Variants in ADAM2 observed in about 807,000 individuals in gnomAD.
The protein encoded by ADAM2 is disintegrin and metalloproteinase domain-containing protein 2.
A neutral mutation model predicts 99.3 loss-of-function variants in ADAM2; 101 were observed. The observed-to-expected ratio is 1.02, with a 90% confidence interval of 0.87 to 1.20. The LOEUF (loss-of-function observed/expected upper bound fraction) is 1.20. ADAM2 is among the 50% of genes most tolerant of loss of function. The pLI, the probability that ADAM2 is intolerant of heterozygous loss-of-function variation, is 0.00. For synonymous variants in ADAM2, 323 were observed against 287.6 expected, an observed-to-expected ratio of 1.12 and a Z score of -1.25; for missense variants, 948 against 878.7, an observed-to-expected ratio of 1.08 and a Z score of -1.00.
intron 11 of ADAM2, among the ~76,000 whole-genome samples, chr8:39,774,298 C>T (rs975713946): frequency 6.6e-6 from 1 of 151,800 alleles, no homozygotes; most frequent in Non-Finnish European, 1.5e-5. Flanking sequence ...TTAAATAGTA[C>T]TCGAGGCCCT....
intron 7 of ADAM2, among the ~76,000 whole-genome samples, chr8:39,799,268 T>C (rs1471150378): frequency 6.6e-6 from 1 of 152,246 alleles, no homozygotes; most frequent in African/African-American, 2.4e-5. Flanking sequence ...CAAGAACTTC[T>C]TGATTTCTGC....
intron 9 of ADAM2, 113 bp from the exon 10 acceptor site, chr8:39,787,168 G>T (rs1297207075): frequency 3.5e-6 from 2 of 566,962 alleles, no homozygotes; most frequent in Non-Finnish European, 3.0e-6. Context: ...TAACATTAAT[G>T]TAACATAGCA....
chr8:39,767,618 AC>A (rs1309875732), intron 12 of ADAM2, among the ~76,000 whole-genome samples: 2 of 152,190 alleles, frequency 1.3e-5, no homozygotes, highest in Non-Finnish European at 2.9e-5. Context: ...TATTGCAGTG[AC>A]TACTTCTTAT....
intron 2 of ADAM2, among the ~76,000 whole-genome samples, chr8:39,834,286 G>A (rs933868679): frequency 6.6e-6 from 1 of 152,066 alleles, no homozygotes; most frequent in Non-Finnish European, 1.5e-5. Flanking sequence ...TGATCTAAGA[G>A]ATTTATGGTG....
intron 4 of ADAM2, among the ~76,000 whole-genome samples, chr8:39,824,426 G>A (rs934734940): frequency 2.0e-5 from 3 of 151,820 alleles, no homozygotes; most frequent in Non-Finnish European, 4.4e-5. Flanking sequence ...ACTCCTAAAC[G>A]TGTGTGAAAC....
At chr8:39,766,568 C>T (rs774104665) in intron 14 of ADAM2, among the ~76,000 whole-genome samples, 1 of 151,648 alleles carries the variant, frequency 6.6e-6, no homozygotes, top group Admixed American at 6.6e-5. Flanking sequence ...CCACCACTTG[C>T]GGCTAATTTT....
intron 7 of ADAM2, among the ~76,000 whole-genome samples, chr8:39,797,806 G>A (rs1025792099): frequency 2.6e-5 from 4 of 152,090 alleles, no homozygotes; most frequent in Non-Finnish European, 5.9e-5. Flanking sequence ...TGTAGCAATT[G>A]CAAATGGGAG....
At chr8:39,755,024 AT>A (rs931657153) in intron 16 of ADAM2, among the ~76,000 whole-genome samples, 9 of 152,008 alleles carry the variant, frequency 5.9e-5, no homozygotes, top group Admixed American at 3.3e-4. Context: ...GACTGGATTG[AT>A]TTTTTTCTTT....
chr8:39,774,564 T>A (rs377272125), intron 11 of ADAM2: 25 of 151,884 alleles, frequency 1.6e-4, no homozygotes, highest in African/African-American at 5.3e-4. Flanking sequence ...AGAAAAACAA[T>A]AAGAAACCTA....
At chr8:39,751,449 A>G (rs1038053143) in intron 16 of ADAM2, among the ~76,000 whole-genome samples, 1 of 152,094 alleles carries the variant, frequency 6.6e-6, no homozygotes, top group Non-Finnish European at 1.5e-5. Flanking sequence ...TTTTTCTGCA[A>G]TGAAGTGTTT....
chr8:39,790,633 G>C (rs1289100012), intron 7 of ADAM2, among the ~76,000 whole-genome samples: 1 of 151,860 alleles, frequency 6.6e-6, no homozygotes, highest in Non-Finnish European at 1.5e-5. Context: ...GCACAAATCT[G>C]TAAATATACT....
intron 7 of ADAM2, among the ~76,000 whole-genome samples, chr8:39,807,718 C>A (rs193074322): frequency 9.9e-5 from 15 of 152,142 alleles, no homozygotes; most frequent in African/African-American, 2.7e-4. Flanking sequence ...TTTCCAACAT[C>A]CAGAATAAAT....
intron 6 of ADAM2, among the ~76,000 whole-genome samples, chr8:39,819,271 T>G (rs1196194561): frequency 6.6e-6 from 1 of 152,126 alleles, no homozygotes; most frequent in East Asian, 1.9e-4. Flanking sequence ...GAATGCTCAA[T>G]GAGGAAAAAA....
At chr8:39,746,972 G>A (rs7013202) in intron 18 of ADAM2, among the ~76,000 whole-genome samples, 6,527 of 152,130 alleles carry the variant, frequency 0.043, 340 homozygotes, top group African/African-American at 0.12. Context: ...GAGTTGACAG[G>A]AACTTCCCCA....
chr8:39,754,219 T>C (rs1802063665), intron 16 of ADAM2, among the ~76,000 whole-genome samples: 1 of 152,230 alleles, frequency 6.6e-6, no homozygotes, highest in South Asian at 2.1e-4. Flanking sequence ...TCCCATTCAC[T>C]AACTGTGGAT....
intron 6 of ADAM2, among the ~76,000 whole-genome samples, chr8:39,811,678 A>T (rs900490064): frequency 2.6e-5 from 4 of 152,212 alleles, no homozygotes; most frequent in Admixed American, 6.5e-5. Flanking sequence ...GACAAAAACC[A>T]CATGATTATC....
chr8:39,749,110 GATATATC>G (rs1823594944), intron 18 of ADAM2, among the ~76,000 whole-genome samples, 195 bp downstream of exon 18: 1 of 151,974 alleles, frequency 6.6e-6, no homozygotes, highest in Non-Finnish European at 1.5e-5. Flanking sequence ...GGCTCTGACT[GATATATC>G]ATATTTATAA....
intron 3 of ADAM2, among the ~76,000 whole-genome samples, chr8:39,833,497 G>A (rs905223940): frequency 1.3e-5 from 2 of 151,860 alleles, no homozygotes; most frequent in Non-Finnish European, 2.9e-5. Flanking sequence ...ATTGAATTTG[G>A]CTAATTACAA....
intron 7 of ADAM2, among the ~76,000 whole-genome samples, chr8:39,791,297 A>G (rs1362201614): frequency 6.6e-6 from 1 of 151,966 alleles, no homozygotes; most frequent in African/African-American, 2.4e-5. Context: ...AACCCATATA[A>G]AGAATGTAGC....
Sources: allele counts gnomAD v4.1 joint callset (sites outside exome capture counted in the v4.1 genomes callset), GRCh38; gene constraint gnomAD v4.1.1; transcripts MANE v1.5; gene names NCBI Gene and HGNC (gene_info 2026-07-23, HGNC 2026-07-21).